The following RBM47 variants were observed in gnomAD, a reference collection of about 807,000 sequenced individuals.
The protein encoded by RBM47 is RNA-binding protein 47.
Under a neutral mutation model 47.1 loss-of-function variants are expected in RBM47, and 21 were observed. That is an observed-to-expected ratio of 0.45 (90% CI 0.32 to 0.64). RBM47 has a LOEUF of 0.64. RBM47 is among the 30% of genes least tolerant of loss of function. RBM47 has a pLI of 0.05. For missense variants in RBM47, 708 were observed against 870.9 expected, an observed-to-expected ratio of 0.81 and a Z score of 2.35; for synonymous variants, 375 against 361.7, an observed-to-expected ratio of 1.04 and a Z score of -0.42.
intron 1 of RBM47, among the ~76,000 whole-genome samples, chr4:40,596,805 G>C (rs1160546173): frequency 6.6e-6 from 1 of 152,076 alleles, no homozygotes; most frequent in Non-Finnish European, 1.5e-5. Flanking sequence ...CCACCCCTGA[G>C]AAGAGAGAGA....
intron 1 of RBM47, among the ~76,000 whole-genome samples, chr4:40,609,181 A>C (rs62301877): frequency 0.19 from 29,592 of 151,888 alleles, 3,393 homozygotes; most frequent in Admixed American, 0.28. Flanking sequence ...TTTAGTAGAA[A>C]TGGGGTTTAG....
chr4:40,553,863 G>A (rs1271472615), intron 1 of RBM47, among the ~76,000 whole-genome samples: 3 of 152,164 alleles, frequency 2.0e-5, no homozygotes, highest in African/African-American at 7.2e-5. Context: ...CTGAACAGTG[G>A]TTGGCCAGCA....
At position 40,600,429 on chromosome 4, in the gene RBM47, T is replaced by C. The variant is rs987963711; in HGVS notation, c.-240+28967A>G. ...GCGGGCGGATCACGAGGTCAGGAGA[T>C]TGAGACCATGCTGGCTAACGTGGTG... On this transcript the variant is annotated intron_variant, in intron 1 of 6. Transcript: ENST00000295971. Among the ~76,000 whole-genome samples, 11 of 145,906 alleles carry C rather than the reference T, an allele frequency of 7.5e-5. No individual in the cohort carries two copies. The East Asian group carries it at 1.5e-3, about 20-fold the overall frequency.
intron 2 of RBM47, among the ~76,000 whole-genome samples, chr4:40,491,518 C>A (rs192593938): frequency 2.0e-5 from 3 of 152,188 alleles, no homozygotes; most frequent in Admixed American, 6.5e-5. Flanking sequence ...CTTTATTTCT[C>A]AAAGGACACC....
intron 2 of RBM47, among the ~76,000 whole-genome samples, chr4:40,541,810 C>T (rs113864857): frequency 2.6e-5 from 4 of 152,258 alleles, no homozygotes; most frequent in African/African-American, 4.8e-5. Context: ...GAATCTCACA[C>T]GTTCAAAGCA....
intron 2 of RBM47, among the ~76,000 whole-genome samples, chr4:40,513,310 T>C (rs559140557): frequency 1.3e-5 from 2 of 152,332 alleles, no homozygotes; most frequent in South Asian, 2.1e-4. Context: ...TTCAACTTAG[T>C]ACTGTCCTTG....
In RBM47 at chr4:40,528,945, A is replaced by ATAAAT. The variant is rs1553896738; in HGVS notation, c.-155+15476_-155+15477insATTTA. ...GCGACAGAGCGAGACTCCGTCTCAAAAAAAAAATAAATAAATAAATAAATA... is the reference window on the plus strand; with the variant it reads ...GCGACAGAGCGAGACTCCGTCTCAAATAAATAAAAAAATAAATAAATAAATAAATA... On this transcript the variant is annotated intron_variant, in intron 2 of 6. Transcript: ENST00000295971. 5.4e-5 allele frequency among the ~76,000 whole-genome samples: 5 copies of ATAAAT among 92,374 alleles called. 1 individual carries two copies. Among genetic ancestry groups the ATAAAT allele is most frequent in the African/African-American group, 2.9e-4 (5 of 17,488 alleles). 60.6% of individuals were successfully genotyped at this position (92,374 alleles called of 152,430 possible).
At chr4:40,625,837 C>T (rs1341753846) in intron 1 of RBM47, among the ~76,000 whole-genome samples, 4 of 152,140 alleles carry the variant, frequency 2.6e-5, no homozygotes, top group Non-Finnish European at 4.4e-5. Flanking sequence ...ATACATTTTG[C>T]AGAACCAGAA....
In RBM47 at chr4:40,628,434, CCACCTTT is replaced by C. The variant is rs1276797621; in HGVS notation, c.-240+955_-240+961del. Among the ~76,000 whole-genome samples the C allele has an allele frequency of 6.6e-6, 1 of 152,160 alleles. No homozygotes were observed. The highest frequency in any genetic ancestry group is 1.5e-5 in the Non-Finnish European group (1 of 68,024). On this transcript the variant is annotated intron_variant, in intron 1 of 6. Coordinates refer to ENST00000295971, the MANE Select transcript of RBM47 (RefSeq NM_001098634.2). The surrounding 1 kb of genome is among the most constrained non-coding windows in gnomAD (Gnocchi z 4.0). ...TAGAGGTTGTGTGTTACGCCGCTGA[CCACCTTT>C]CACCTTTTAGAATCGGCACCTGCAA...
intron 6 of RBM47, chr4:40,427,291 C>T (rs1487841619): frequency 6.6e-6 from 1 of 152,158 alleles, no homozygotes. Flanking sequence ...CGGGGATATT[C>T]GAGCTGAGTT....
chr4:40,509,411 A>G (rs996677301), intron 2 of RBM47, among the ~76,000 whole-genome samples: 2 of 152,126 alleles, frequency 1.3e-5, no homozygotes, highest in African/African-American at 2.4e-5. Flanking sequence ...TCCAAAGCAC[A>G]TTCTTCTTGG....
At chr4:40,430,559 T>C (rs1325733373) in intron 6 of RBM47, among the ~76,000 whole-genome samples, 1 of 152,238 alleles carries the variant, frequency 6.6e-6, no homozygotes, top group Non-Finnish European at 1.5e-5. Flanking sequence ...AGTTAAAGAA[T>C]ACTTAATGAC....
chr4:40,600,181 T>A (rs1197645225), intron 1 of RBM47, among the ~76,000 whole-genome samples: 1 of 57,808 alleles, frequency 1.7e-5, no homozygotes. Context: ...TTTTTATGAA[T>A]TTTTTTTTTT....
In RBM47 at chr4:40,436,630, G is replaced by A. The variant is rs757425914; in HGVS notation, c.1141C>T (p.Arg381Ter). 1.9e-6 allele frequency: 3 copies of A among 1,613,892 alleles called. No homozygotes were observed. The highest frequency in any genetic ancestry group is 2.5e-6 in the Non-Finnish European group (3 of 1,179,954). ...CTGTTGCCAGCTGCACCTCGCCCTC[G>A]GCCTCTTATGCTGCCTGCTTGTAAT... is the stretch of plus-strand genomic sequence containing the variant. ...YFVKAGSIRG[R>*]GRGAAGNRAP... Residue 381 changes from arginine to a stop codon, truncating the protein, a stop_gained, in exon 5 of 7, where the codon CGA (arginine) becomes TGA (stop). Coordinates refer to ENST00000295971, the MANE Select transcript of RBM47 (RefSeq NM_001098634.2). LOFTEE classifies it high-confidence loss of function.
chr4:40,435,886 C>A (rs151074050), intron 5 of RBM47, among the ~76,000 whole-genome samples: 1 of 151,524 alleles, frequency 6.6e-6, no homozygotes, highest in African/African-American at 2.4e-5. Context: ...TGGCCAGGCG[C>A]AGTGGCTCAC....
rs35836175 is a variant in RBM47, at chr4:40,591,023, G to A, written c.-240+38373C>T. Among the ~76,000 whole-genome samples, 975 of 152,138 alleles carry A rather than the reference G, an allele frequency of 6.4e-3. 5 individuals carry two copies. Among genetic ancestry groups the A allele is most frequent in the Middle Eastern group, 0.02 (6 of 294 alleles). ...TCCCCGTGTTGGCCAGGCTGGTCTC[G>A]AACTCCTGACCTCAGGTGATCCACC... On this transcript the variant is annotated intron_variant, in intron 1 of 6. Transcript: ENST00000295971.
chr4:40,622,559 G>C (rs566517830), intron 1 of RBM47, among the ~76,000 whole-genome samples: 17 of 152,142 alleles, frequency 1.1e-4, no homozygotes, highest in Non-Finnish European at 2.1e-4. Context: ...TTTCGGCAGG[G>C]GACTGACACG....
intron 2 of RBM47, among the ~76,000 whole-genome samples, chr4:40,537,751 T>C (rs1246175041): frequency 6.6e-6 from 1 of 152,186 alleles, no homozygotes; most frequent in East Asian, 1.9e-4. Context: ...ACAGGAAGGC[T>C]TTGTGATGAA....
chr4:40,448,005 C>T (rs181773464), intron 3 of RBM47, among the ~76,000 whole-genome samples: 445 of 151,536 alleles, frequency 2.9e-3, no homozygotes, highest in Non-Finnish European at 5.2e-3. Flanking sequence ...AGAGAGACTC[C>T]GTCTCAAAAA....
Sources: allele counts gnomAD v4.1 joint callset (sites outside exome capture counted in the v4.1 genomes callset), GRCh38; gene constraint gnomAD v4.1.1; non-coding constraint Gnocchi (gnomAD v3.1); transcripts MANE v1.5; gene names NCBI Gene and HGNC (gene_info 2026-07-23, HGNC 2026-07-21).